The following AIM2 variants were observed in gnomAD, a reference collection of about 807,000 sequenced individuals.
AIM2 encodes absent in melanoma 2, also known as interferon-inducible protein AIM2.
A neutral mutation model predicts 27.7 loss-of-function variants in AIM2; 30 were observed. The ratio of observed to expected loss-of-function variants is 1.08; its 90% CI spans 0.81 to 1.47. The LOEUF is 1.47. Ranked by LOEUF, AIM2 falls within the 40% of genes most tolerant of loss-of-function variation. AIM2 has a pLI of 0.00. For synonymous variants in AIM2, 141 were observed against 145.3 expected (o/e 0.97, Z 0.21); for missense variants, 358 against 411.3 (o/e 0.87, Z 1.12).
At chr1:159,111,833 T>A (rs1261603654) in intron 1 of AIM2, among the ~76,000 whole-genome samples, 19 of 8,354 alleles carry the variant, frequency 2.3e-3, no homozygotes, top group African/African-American at 9.7e-3. Flanking sequence ...CTATCTATCA[T>A]CTATCTATCT....
At position 159,063,688 on chromosome 1, in the gene AIM2, T is replaced by C; in HGVS notation, c.817-14A>G. On this transcript the variant is annotated splice_polypyrimidine_tract_variant and intron_variant, in intron 4 of 5. Transcript: ENST00000368130. ...CTTTTCTGTTACCTATAAAAGAAAA[T>C]CAACACCCAGCCTCTGATAATCGGA... The C allele has an allele frequency of 6.2e-7, 1 of 1,609,218 alleles. No homozygotes were observed.
In AIM2 at chr1:159,066,155, T is replaced by C; in HGVS notation, c.571A>G (p.Lys191Glu). 3.1e-6 allele frequency: 5 copies of C among 1,614,232 alleles called. No homozygotes were observed. Among genetic ancestry groups the C allele is most frequent in the Non-Finnish European group, 4.2e-6 (5 of 1,180,038 alleles). The change falls in exon 4 of 6, where the codon AAA (lysine) becomes GAA (glutamate). Residue 191 changes from lysine to glutamate, a missense_variant. Lys to Glu is a moderately conservative substitution (Grantham distance 56). Transcript: ENST00000368130. ...TCTTTCAGCAGTGTATTAAAAACTT[T>C]TACAAAGAAGAATTCCTTTTCTGTA... The part of the protein sequence containing the change: ...VATEKEFFFV[K>E]VFNTLLKDKF...
intron 1 of AIM2, among the ~76,000 whole-genome samples, chr1:159,073,769 C>T (rs1656476814): frequency 6.6e-6 from 1 of 152,166 alleles, no homozygotes; most frequent in South Asian, 2.1e-4. Flanking sequence ...GGCGCGGTAG[C>T]TCACGCCTGT....
rs77538760 is a variant in AIM2 at position 159,118,916 on chromosome 1, C to T, written c.-16+21515G>A. Among the ~76,000 whole-genome samples, 1,069 of 152,080 alleles carry T rather than the reference C, an allele frequency of 7.0e-3. 46 individuals are homozygous for T. The East Asian group carries it at 0.12, about 18-fold the overall frequency. On this transcript the variant is annotated intron_variant, in intron 1 of 2. Transcript: ENST00000368129. ...GTTTTTGCATCGGTAACAAACAATC[C>T]GGAATCTTAGTTGCATATAATGACA...
chr1:159,138,679 G>A (rs975756111), intron 1 of AIM2, among the ~76,000 whole-genome samples: 22 of 152,260 alleles, frequency 1.4e-4, no homozygotes, highest in South Asian at 6.2e-4. Flanking sequence ...TACTGTCTGT[G>A]CTCCTGCTCC....
chr1:159,114,974 C>A (rs1647295016), intron 1 of AIM2, among the ~76,000 whole-genome samples: 1 of 152,142 alleles, frequency 6.6e-6, no homozygotes, highest in Non-Finnish European at 1.5e-5. Flanking sequence ...TGATAGGCAA[C>A]TTCAGCAAAG....
intron 1 of AIM2, among the ~76,000 whole-genome samples, chr1:159,091,414 C>CT (rs1222824206): frequency 6.6e-6 from 1 of 152,214 alleles, no homozygotes; most frequent in Non-Finnish European, 1.5e-5. Context: ...TTTCCCTTTA[C>CT]TTATTCTAGG....
chr1:159,103,884 G>A (rs1173757082), intron 1 of AIM2, among the ~76,000 whole-genome samples: 3 of 152,022 alleles, frequency 2.0e-5, no homozygotes, highest in Non-Finnish European at 4.4e-5. Context: ...AGGATGTAAG[G>A]AGATTTAAAA....
chr1:159,108,759 G>A (rs1264146005), intron 1 of AIM2, among the ~76,000 whole-genome samples: 1 of 152,116 alleles, frequency 6.6e-6, no homozygotes, highest in Non-Finnish European at 1.5e-5. Context: ...CGTCCGAGCT[G>A]AGAATCAAAT....
chr1:159,089,231 A>G (rs1194823136), intron 1 of AIM2, among the ~76,000 whole-genome samples: 2 of 152,244 alleles, frequency 1.3e-5, no homozygotes, highest in Admixed American at 6.5e-5. Flanking sequence ...CTGCAAAGTG[A>G]GTACCGTCAT....
At chr1:159,088,161 C>T (rs1214266861) in intron 1 of AIM2, among the ~76,000 whole-genome samples, 1 of 152,026 alleles carries the variant, frequency 6.6e-6, no homozygotes, top group Non-Finnish European at 1.5e-5. Context: ...TGTTATCAGG[C>T]CTGCTTGAGG....
downstream of AIM2, among the ~76,000 whole-genome samples, chr1:159,059,449 A>G (rs1655763013): frequency 6.6e-6 from 1 of 152,200 alleles, no homozygotes. Context: ...TCAAAATCAC[A>G]GTATCACTCA....
At chr1:159,055,705 A>G in the AIM2 span, among the ~76,000 whole-genome samples, 1 of 152,338 alleles carries the variant, frequency 6.6e-6, no homozygotes, top group South Asian at 2.1e-4. Context: ...AAGATAATTA[A>G]TTTTATTCAG....
intron 1 of AIM2, among the ~76,000 whole-genome samples, chr1:159,085,640 G>A (rs1656893316): frequency 6.6e-6 from 1 of 152,328 alleles, no homozygotes; most frequent in Admixed American, 6.5e-5. Flanking sequence ...GATGGCAGCT[G>A]ATGCTGCAGA....
chr1:159,084,448 T>C (rs1023208630), intron 1 of AIM2, among the ~76,000 whole-genome samples: 3 of 152,082 alleles, frequency 2.0e-5, no homozygotes, highest in Non-Finnish European at 4.4e-5. Context: ...CTTCCCTTGA[T>C]AGTTTAAGGA....
intron 1 of AIM2, among the ~76,000 whole-genome samples, chr1:159,097,930 C>T (rs557400958): frequency 1.6e-3 from 246 of 152,246 alleles, no homozygotes; most frequent in Non-Finnish European, 3.0e-3. Context: ...TAAGGGTCTT[C>T]TTCGTTTTTC....
chr1:159,111,006 C>A (rs1032755623), intron 1 of AIM2, among the ~76,000 whole-genome samples: 3 of 151,948 alleles, frequency 2.0e-5, no homozygotes, highest in Non-Finnish European at 2.9e-5. Flanking sequence ...GCAGGTAGAG[C>A]TCTAATAACA....
chr1:159,063,395 A>T, intron 5 of AIM2, 91 bp downstream of exon 5: 1 of 1,249,642 alleles, frequency 8.0e-7, no homozygotes, highest in Non-Finnish European at 1.1e-6. Flanking sequence ...TCCACTCTAT[A>T]TCCTGTTCAA....
rs762645183 is a variant in AIM2 at position 159,065,973 on chromosome 1, C to T, written c.753G>A (p.Lys251=). ...NIIRKAGETP[K]INTLQTQPLG... is the part of the protein sequence containing the mutation. ...GGGGCTGAGTTTGAAGCGTGTTGAT[C>T]TTCGGGGTTTCACCAGCTTTTCTGA... Residue 251 remains lysine, a synonymous_variant, in exon 4 of 6, where the codon AAG becomes AAA. Coordinates refer to ENST00000368130, the MANE Select transcript of AIM2 (RefSeq NM_004833.3). 1.9e-6 allele frequency: 3 copies of T among 1,613,978 alleles called. No homozygotes were observed. Among genetic ancestry groups the T allele is most frequent in the African/African-American group, 1.3e-5 (1 of 74,902 alleles).
Sources: gnomAD v4.1 joint callset for allele counts (sites outside exome capture counted in the v4.1 genomes callset) on GRCh38, gnomAD v4.1.1 for gene constraint, MANE v1.5 for transcripts, NCBI Gene and HGNC (gene_info 2026-07-23, HGNC 2026-07-21) for gene names.